The following CYB5RL variants were observed in gnomAD, a reference collection of about 807,000 sequenced individuals.
CYB5RL encodes cytochrome b5 reductase like.
CYB5RL carries 38 observed loss-of-function variants against 37.5 expected under a neutral mutation model. The ratio of observed to expected loss-of-function variants is 1.01; its 90% CI spans 0.78 to 1.33. CYB5RL has a LOEUF of 1.33. Ranked by LOEUF, CYB5RL falls within the 40% of genes most tolerant of loss-of-function variation. The probability of loss-of-function intolerance (pLI) is 0.00; values close to 1 mark genes in which losing one functional copy is unlikely to be tolerated. For synonymous variants in CYB5RL, 141 were observed against 151.9 expected, an observed-to-expected ratio of 0.93 and a Z score of 0.53; for missense variants, 388 against 394.4, an observed-to-expected ratio of 0.98 and a Z score of 0.14.
chr1:54,186,540 G>A (rs1219090048), intron 5 of CYB5RL, among the ~76,000 whole-genome samples: 2 of 152,206 alleles, frequency 1.3e-5, no homozygotes, highest in African/African-American at 4.8e-5. Flanking sequence ...AGGCTTTCTA[G>A]CAAACGAAGG....
In CYB5RL at chr1:54,172,869, C is replaced by T. The variant is rs1177001374; in HGVS notation, c.*1750G>A. 1 of 152,194 alleles carries T rather than the reference C, an allele frequency of 6.6e-6. No homozygotes were observed. Among genetic ancestry groups the T allele is most frequent in the African/African-American group, 2.4e-5 (1 of 41,446 alleles). The allele number at this position is 152,194 out of a possible 1,614,324, so 9.4% of individuals were successfully genotyped here. ...AAAAGTGTCTTGCTCAAGTCACATACTAGGCAGGAAGAGATCATGGTTCCT... is the reference window on the plus strand; with the variant it reads ...AAAAGTGTCTTGCTCAAGTCACATATTAGGCAGGAAGAGATCATGGTTCCT... On this transcript the variant is annotated 3_prime_UTR_variant, in exon 8 of 8. Coordinates refer to ENST00000534324, the MANE Select transcript of CYB5RL (RefSeq NM_001031672.4).
chr1:54,185,198 C>T (rs1660260690), intron 5 of CYB5RL: 1 of 152,200 alleles, frequency 6.6e-6, no homozygotes, highest in South Asian at 2.1e-4. Flanking sequence ...CCATCTAATA[C>T]CCATGAGAAG....
In CYB5RL at chr1:54,173,659, A is replaced by C. The variant is rs1659945584; in HGVS notation, c.*960T>G. On this transcript the variant is annotated 3_prime_UTR_variant, in exon 8 of 8. Coordinates refer to ENST00000534324, the MANE Select transcript of CYB5RL (RefSeq NM_001031672.4). ...CATGGCTTAATATTCCAATTCTGGG[A>C]CTGCCTGTAGCTAGCCCAAGCTGGT... The C allele has an allele frequency of 6.6e-6, 1 of 152,592 alleles. No homozygotes were observed. The highest frequency in any genetic ancestry group is 2.4e-5 in the African/African-American group (1 of 41,440). 9.5% of individuals were successfully genotyped at this position (152,592 alleles called of 1,614,324 possible).
intron 7 of CYB5RL, among the ~76,000 whole-genome samples, 179 bp downstream of exon 7, chr1:54,178,970 T>C (rs1302985846): frequency 1.3e-5 from 2 of 152,182 alleles, no homozygotes; most frequent in Non-Finnish European, 2.9e-5. Flanking sequence ...AATGTGCATC[T>C]CCTCATCTGT....
At chr1:54,181,893 A>G (rs1660169432) in intron 6 of CYB5RL, among the ~76,000 whole-genome samples, 2 of 152,348 alleles carry the variant, frequency 1.3e-5, no homozygotes, top group Non-Finnish European at 2.9e-5. Context: ...GTGGAGCTGT[A>G]GTGAGCTATG....
At chr1:54,193,176 T>C (rs1643972295) in intron 3 of CYB5RL, among the ~76,000 whole-genome samples, 1 of 152,236 alleles carries the variant, frequency 6.6e-6, no homozygotes, top group African/African-American at 2.4e-5. Flanking sequence ...TTAGTAGATC[T>C]TGGAGAAACA....
Position 54,184,193 on chromosome 1 carries a change from G to C in CYB5RL, c.508C>G (p.Pro170Ala), listed in dbSNP as rs751205231. 3 of 1,613,536 alleles carry C rather than the reference G, an allele frequency of 1.9e-6. No homozygotes were observed. Among genetic ancestry groups the C allele is most frequent in the Non-Finnish European group, 2.5e-6 (3 of 1,179,796 alleles). Residue 170 changes from proline to alanine, a missense_variant, in exon 6 of 8, where the codon CCT becomes GCT. By Grantham distance (27) the Pro-to-Ala change is conservative. Coordinates refer to ENST00000534324, the MANE Select transcript of CYB5RL (RefSeq NM_001031672.4). ...GGTTTATAGAAGAAATCTCCGAAAG[G>C]TCCTCGCCAGAAAGCTGTGTCTCCT... ...RVGDTAFWRG[P>A]FGDFFYKPNQ...
In CYB5RL at chr1:54,174,067, C is replaced by T. The variant is rs968807267; in HGVS notation, c.*552G>A. On this transcript the variant is annotated 3_prime_UTR_variant, in exon 8 of 8. Coordinates refer to ENST00000534324, the MANE Select transcript of CYB5RL (RefSeq NM_001031672.4). ...CAATACAAGACAGTCGAGGGCCCCACCTTGCTCTCAGGATGTGGTCAAGTC... is the reference window on the plus strand; with the variant it reads ...CAATACAAGACAGTCGAGGGCCCCATCTTGCTCTCAGGATGTGGTCAAGTC... 24 of 160,912 alleles carry T rather than the reference C, an allele frequency of 1.5e-4. No individual in the cohort carries two copies. The highest frequency in any genetic ancestry group is 5.8e-4 in the African/African-American group (24 of 41,604). The allele number at this position is 160,912 out of a possible 1,614,324, so 10.0% of individuals were successfully genotyped here.
intron 1 of CYB5RL, among the ~76,000 whole-genome samples, chr1:54,198,082 T>G (rs1204927149): frequency 6.7e-6 from 1 of 149,562 alleles, no homozygotes; most frequent in African/African-American, 2.5e-5. Flanking sequence ...CTTTCTGTAT[T>G]CTACCACCAA....
chr1:54,195,698 C>T lies in CYB5RL; in HGVS notation c.-82G>A. ...GGCTCTATGAGACCACGGGCGCAGG[C>T]CCTGCTCCTTGGCCAGCCTGGGAGA... On this transcript the variant is annotated 5_prime_UTR_variant, in exon 3 of 8. Coordinates refer to ENST00000534324, the MANE Select transcript of CYB5RL (RefSeq NM_001031672.4). The T allele has an allele frequency of 2.0e-6, 3 of 1,470,294 alleles. No individual in the cohort carries two copies. Among genetic ancestry groups the T allele is most frequent in the East Asian group, 2.3e-5 (1 of 43,466 alleles). The allele number at this position is 1,470,294 out of a possible 1,614,324, so 91.1% of individuals were successfully genotyped here. A position where few individuals can be genotyped will look rare whatever the true frequency, so the allele number is the denominator to read the frequency against.
chr1:54,187,532 T>C, intron 5 of CYB5RL, 120 bp downstream of exon 5: 1 of 890,064 alleles, frequency 1.1e-6, no homozygotes, highest in Non-Finnish European at 1.8e-6. Flanking sequence ...CTTCCCCAAT[T>C]GCCTTTGTCC....
At chr1:54,182,799 C>T (rs945793276) in intron 6 of CYB5RL, among the ~76,000 whole-genome samples, 24 of 152,038 alleles carry the variant, frequency 1.6e-4, no homozygotes, top group Admixed American at 8.5e-4. Flanking sequence ...GTGATCCACC[C>T]GCCTCGGCCT....
At chr1:54,197,312 C>CTTTTTTTTTTTTTTTTTTT (rs199620217) in intron 1 of CYB5RL, among the ~76,000 whole-genome samples, 11 of 130,380 alleles carry the variant, frequency 8.4e-5, no homozygotes, top group East Asian at 2.4e-4. Flanking sequence ...TTTTTCTTTT[C>CTTTTTTTTTTTTTTTTTTT]TTTTCTTTTT....
chr1:54,180,043 C>A, intron 6 of CYB5RL: 1 of 451,154 alleles, frequency 2.2e-6, no homozygotes, highest in South Asian at 1.6e-5. Flanking sequence ...GTCAGGAGTT[C>A]GAGACCAACG....
chr1:54,195,418 C>G lies in CYB5RL; in HGVS notation c.198+1G>C. The G allele has an allele frequency of 1.9e-6, 3 of 1,586,176 alleles. No individual in the cohort carries two copies. In the South Asian group the frequency reaches 3.4e-5, roughly 18 times the overall value. On this transcript the variant is annotated splice_donor_variant, in intron 3 of 7. Transcript: ENST00000534324. LOFTEE classifies it high-confidence loss of function. ...TCATATCGAGAAGCAGCCTCTCTCACCTGTGACTCTGGCCCACGCAGCAGG... is the reference window on the plus strand; with the variant it reads ...TCATATCGAGAAGCAGCCTCTCTCAGCTGTGACTCTGGCCCACGCAGCAGG...
At position 54,169,942 on chromosome 1, in the gene CYB5RL, T is replaced by C. The variant is rs1299129506; in HGVS notation, c.*4677A>G. 6.6e-6 allele frequency: 1 copy of C among 152,240 alleles called. No homozygotes were observed. The highest frequency in any genetic ancestry group is 1.5e-5 in the Non-Finnish European group (1 of 68,030). The allele number at this position is 152,240 out of a possible 1,614,324, so 9.4% of individuals were successfully genotyped here. A position where few individuals can be genotyped will look rare whatever the true frequency, so the allele number is the denominator to read the frequency against. ...ATTTTGGGTTTTTACAGTTTCCAAG[T>C]ACAGGTATCTCACTGTAGCTATCCT... On this transcript the variant is annotated 3_prime_UTR_variant, in exon 8 of 8. Transcript: ENST00000534324.
chr1:54,190,977 C>T (rs1294657229), intron 3 of CYB5RL, 81 bp from the exon 4 acceptor site: 8 of 1,521,602 alleles, frequency 5.3e-6, no homozygotes, highest in East Asian at 4.7e-5. Flanking sequence ...CCCACTGTCC[C>T]CAAGGAGAGG....
At chr1:54,190,020 C>T (rs1169916584) in intron 4 of CYB5RL, among the ~76,000 whole-genome samples, 4 of 152,210 alleles carry the variant, frequency 2.6e-5, no homozygotes, top group African/African-American at 9.7e-5. Context: ...CAGCTATGTG[C>T]CAATGACTCC....
At chr1:54,190,725 G>A in intron 4 of CYB5RL, 23 bp downstream of exon 4, 1 of 1,551,642 alleles carries the variant, frequency 6.4e-7, no homozygotes, top group South Asian at 1.2e-5. Context: ...TGAAGCTTTG[G>A]TCCTCCCGCT....
Sources: allele counts gnomAD v4.1 joint callset (sites outside exome capture counted in the v4.1 genomes callset), GRCh38; gene constraint gnomAD v4.1.1; transcripts MANE v1.5; gene names NCBI Gene and HGNC (gene_info 2026-07-23, HGNC 2026-07-21).